CST2: variants seen among roughly 807,000 people sequenced by gnomAD.
CST2 encodes cystatin SA.
Under a neutral mutation model 13.4 loss-of-function variants are expected in CST2, and 26 were observed. That is an observed-to-expected ratio of 1.95 (90% CI 1.43 to 2.70). CST2 has a LOEUF of 2.70. CST2 is among the 30% of genes most tolerant of loss of function. CST2 has a pLI of 0.00. For missense variants in CST2, 243 were observed against 173.4 expected, an observed-to-expected ratio of 1.40 and a Z score of -2.25; for synonymous variants, 105 against 71.1, an observed-to-expected ratio of 1.48 and a Z score of -2.40.
intron 1 of CST2, 83 bp downstream of exon 1, chr20:23,826,350 G>A: frequency 9.3e-7 from 1 of 1,071,968 alleles, no homozygotes; most frequent in Admixed American, 1.9e-5. Context: ...ATGTATCAGT[G>A]TTGATGTGCT....
chr20:23,825,197 A>C lies in CST2; in HGVS notation c.342+13T>G. 1 of 1,614,064 alleles carries C rather than the reference A, an allele frequency of 6.2e-7. No homozygotes were observed. Among genetic ancestry groups the C allele is most frequent in the Non-Finnish European group, 8.5e-7 (1 of 1,179,978 alleles). The stretch of plus-strand genomic sequence containing the variant: ...AGTGCATGACTGGCCTGGGACCCGC[A>C]TCAGGAACGTACCTTCTGCAGTTCT... On this transcript the variant is annotated intron_variant, in intron 2 of 2. Coordinates refer to ENST00000304725, the MANE Select transcript of CST2 (RefSeq NM_001322.3).
In CST2 at chr20:23,826,288, C is replaced by G. The variant is rs1408327575; in HGVS notation, c.228+145G>C. The G allele has an allele frequency of 5.7e-6, 4 of 707,374 alleles. No individual in the cohort carries two copies. The African/African-American group carries it at 7.1e-5, about 13-fold the overall frequency. 43.8% of individuals were successfully genotyped at this position (707,374 alleles called of 1,614,324 possible). On this transcript the variant is annotated intron_variant, in intron 1 of 2. Transcript: ENST00000304725. ...CCGGGAGCATGCTTAGGCATGAAGG[C>G]CATAAGCAGAGAGTCAGGGAAAGCT...
rs781263131 is a variant in CST2, at chr20:23,824,046, C to T, written c.400G>A (p.Val134Met). ...EVPWEDRMSL[V>M]NSRCQEA ...TAGGCTTCTTGACACCTGGAATTCACCAGGGACATTCTGTCCTCCCAGGGA... is the reference window on the plus strand; with the variant it reads ...TAGGCTTCTTGACACCTGGAATTCATCAGGGACATTCTGTCCTCCCAGGGA... The change falls in exon 3 of 3, where the codon GTG becomes ATG. Residue 134 changes from valine to methionine, a missense_variant. Coordinates refer to ENST00000304725, the MANE Select transcript of CST2 (RefSeq NM_001322.3). 2.5e-6 allele frequency: 4 copies of T among 1,614,066 alleles called. No individual in the cohort carries two copies. Among genetic ancestry groups the T allele is most frequent in the Non-Finnish European group, 3.4e-6 (4 of 1,179,944 alleles).
At chr20:23,824,672 G>C (rs1412521214) in intron 2 of CST2, among the ~76,000 whole-genome samples, 1 of 151,926 alleles carries the variant, frequency 6.6e-6, no homozygotes, top group African/African-American at 2.4e-5. Flanking sequence ...TCTGATCATT[G>C]TGTCTGTGGC....
intron 1 of CST2, 70 bp downstream of exon 1, chr20:23,826,363 G>C: frequency 8.1e-7 from 1 of 1,233,126 alleles, no homozygotes; most frequent in Non-Finnish European, 1.2e-6. Flanking sequence ...GATGTGCTGC[G>C]AATGCTCTTA....
At chr20:23,824,167 C>T (rs1600436244) in intron 2 of CST2, 64 bp from the exon 3 acceptor site, 1 of 1,536,948 alleles carries the variant, frequency 6.5e-7, no homozygotes, top group East Asian at 2.3e-5. Flanking sequence ...GTCACCCAGG[C>T]ATGAGATGTC....
At chr20:23,825,430 A>T (rs187632925) in intron 1 of CST2, 107 bp from the exon 2 acceptor site, 2 of 1,165,250 alleles carry the variant, frequency 1.7e-6, no homozygotes, top group Non-Finnish European at 2.5e-6. Flanking sequence ...GGGCTTCGTG[A>T]GCTGCCCACA....
chr20:23,825,836 A>G (rs1984816703), intron 1 of CST2, among the ~76,000 whole-genome samples: 1 of 152,210 alleles, frequency 6.6e-6, no homozygotes, highest in Non-Finnish European at 1.5e-5. Context: ...GAGGAGCTCT[A>G]AAGCCTGTGT....
chr20:23,824,544 T>A (rs1346751254), intron 2 of CST2, among the ~76,000 whole-genome samples: 2 of 151,796 alleles, frequency 1.3e-5, no homozygotes, highest in African/African-American at 4.8e-5. Context: ...ACAAGGGGAG[T>A]GTGGCTCTCC....
intron 2 of CST2, among the ~76,000 whole-genome samples, chr20:23,824,464 G>T (rs1984763146): frequency 6.6e-6 from 1 of 152,116 alleles, no homozygotes; most frequent in African/African-American, 2.4e-5. Flanking sequence ...CCAGCACTAA[G>T]AGGGGCCAGA....
In CST2 at chr20:23,826,607, G is replaced by A. The variant is rs774323751; in HGVS notation, c.54C>T (p.Ala18=). ...CCTCCTCCTGGGGGCTCCAGGCCAG[G>A]GCCACAGCCTGGGTGGCCAGCAGGA... The part of the protein sequence containing the change: ...LLLLLATQAV[A]LAWSPQEEDR... Residue 18 remains alanine, a synonymous_variant, in exon 1 of 3, where the codon GCC becomes GCT. Coordinates refer to ENST00000304725, the MANE Select transcript of CST2 (RefSeq NM_001322.3). 3 of 1,613,138 alleles carry A rather than the reference G, an allele frequency of 1.9e-6. No homozygotes were observed. Among genetic ancestry groups the A allele is most frequent in the Non-Finnish European group, 2.5e-6 (3 of 1,179,858 alleles).
Position 23,825,297 on chromosome 20 carries a change from G to A in CST2, c.255C>T (p.Phe85=), listed in dbSNP as rs201981599. Reference sequence around the variant, plus strand: ...ATATGGTTCGGCCCACCTCTATGTCGAAGAAGTAATTCACCCCGCCCACGA... The same window carrying A: ...ATATGGTTCGGCCCACCTCTATGTCAAAGAAGTAATTCACCCCGCCCACGA... ...EQIVGGVNYF[F]DIEVGRTICT... The change falls in exon 2 of 3, where the codon TTC becomes TTT. Residue 85 remains phenylalanine (F), a synonymous_variant. Coordinates refer to ENST00000304725, the MANE Select transcript of CST2 (RefSeq NM_001322.3). The A allele has an allele frequency of 2.7e-5, 40 of 1,480,242 alleles. No individual in the cohort carries two copies. Among genetic ancestry groups the A allele is most frequent in the South Asian group, 2.4e-4 (17 of 72,176 alleles). 91.7% of individuals were successfully genotyped at this position (1,480,242 alleles called of 1,614,324 possible). A position where few individuals can be genotyped will look rare whatever the true frequency, so the allele number is the denominator to read the frequency against.
At chr20:23,825,091 T>G in intron 2 of CST2, 119 bp downstream of exon 2, 1 of 1,393,262 alleles carries the variant, frequency 7.2e-7, no homozygotes, top group Non-Finnish European at 1.0e-6. Context: ...CATGCATACA[T>G]GACTCCCCAC....
At position 23,826,619 on chromosome 20, in the gene CST2, G is replaced by C. The variant is rs140975534; in HGVS notation, c.42C>G (p.Thr14=). ...PLCTLLLLLA[T]QAVALAWSPQ... ...GGCTCCAGGCCAGGGCCACAGCCTG[G>C]GTGGCCAGCAGGAGCAGCAGGGTGC... The change falls in exon 1 of 3, where the codon ACC becomes ACG. Residue 14 remains threonine, a synonymous_variant. Coordinates refer to ENST00000304725, the MANE Select transcript of CST2 (RefSeq NM_001322.3). The C allele has an allele frequency of 1.2e-6, 2 of 1,612,544 alleles. No homozygotes were observed. The highest frequency in any genetic ancestry group is 2.7e-5 in the African/African-American group (2 of 75,012).
At chr20:23,826,281 A>G (rs534080770) in intron 1 of CST2, 152 bp downstream of exon 1, 2 of 684,304 alleles carry the variant, frequency 2.9e-6, no homozygotes, top group Non-Finnish European at 5.0e-6. Flanking sequence ...ATGCTTAGGC[A>G]TGAAGGCCAT....
chr20:23,823,874 A>G lies in CST2; in HGVS notation c.*146T>C. Reference sequence around the variant, plus strand: ...AGGGCAGAGTCCCCTGCTGAGCAACAAAGGCCTCCTGCAGCCTTCTCTGTC... The same window carrying G: ...AGGGCAGAGTCCCCTGCTGAGCAACGAAGGCCTCCTGCAGCCTTCTCTGTC... On this transcript the variant is annotated 3_prime_UTR_variant, in exon 3 of 3. Coordinates refer to ENST00000304725, the MANE Select transcript of CST2 (RefSeq NM_001322.3). 1 of 804,630 alleles carries G rather than the reference A, an allele frequency of 1.2e-6. No individual in the cohort carries two copies. Among genetic ancestry groups the G allele is most frequent in the Non-Finnish European group, 2.0e-6 (1 of 497,546 alleles). 49.8% of individuals were successfully genotyped at this position (804,630 alleles called of 1,614,324 possible).
rs1984853105 is a variant in CST2, at chr20:23,826,633, G to C, written c.28C>G (p.Leu10Val). MAWPLCTLL[L>V]LLATQAVALA... ...GCCACAGCCTGGGTGGCCAGCAGGAGCAGCAGGGTGCACAGGGGCCAGGCC... is the reference window on the plus strand; with the variant it reads ...GCCACAGCCTGGGTGGCCAGCAGGACCAGCAGGGTGCACAGGGGCCAGGCC... Residue 10 changes from leucine to valine, a missense_variant, in exon 1 of 3, where the codon CTC (leucine) becomes GTC (valine). Coordinates refer to ENST00000304725, the MANE Select transcript of CST2 (RefSeq NM_001322.3). 6.2e-7 allele frequency: 1 copy of C among 1,609,590 alleles called. No homozygotes were observed. The highest frequency in any genetic ancestry group is 8.5e-7 in the Non-Finnish European group (1 of 1,178,444).
At position 23,826,555 on chromosome 20, in the gene CST2, C is replaced by G; in HGVS notation, c.106G>C (p.Asp36His). Residue 36 changes from aspartate (D) to histidine (H), a missense_variant, in exon 1 of 3, where the codon GAT (aspartate) becomes CAT (histidine). Asp to His is a moderately conservative substitution (Grantham distance 81). Coordinates refer to ENST00000304725, the MANE Select transcript of CST2 (RefSeq NM_001322.3). ...EDRIIEGGIYDADLNDERVQR... is the reference protein window; with the variant it reads ...EDRIIEGGIYHADLNDERVQR... The stretch of plus-strand genomic sequence containing the variant: ...ACCCGCTCATCATTGAGGTCTGCAT[C>G]ATAGATGCCACCCTCGATTATCCTG... 6.2e-7 allele frequency: 1 copy of G among 1,614,150 alleles called. No individual in the cohort carries two copies. The highest frequency in any genetic ancestry group is 1.1e-5 in the South Asian group (1 of 91,086).
At position 23,826,510 on chromosome 20, in the gene CST2, C is replaced by A; in HGVS notation, c.151G>T (p.Val51Phe). ...DERVQRALHF[V>F]ISEYNKATED... ...GTGGCCTTGTTATACTCGCTGATGA[C>A]AAAGTGAAGGGCACGCTGTACCCGC... The change falls in exon 1 of 3, where the codon GTC becomes TTC. Residue 51 changes from valine to phenylalanine, a missense_variant. Physicochemically the swap from Val to Phe is conservative, Grantham distance 50 (BLOSUM62 -1). Transcript: ENST00000304725. 6.2e-7 allele frequency: 1 copy of A among 1,614,158 alleles called. No individual in the cohort carries two copies. Among genetic ancestry groups the A allele is most frequent in the Admixed American group, 1.7e-5 (1 of 60,030 alleles).
Sources: allele counts gnomAD v4.1 joint callset (sites outside exome capture counted in the v4.1 genomes callset), GRCh38; gene constraint gnomAD v4.1.1; transcripts MANE v1.5; gene names NCBI Gene and HGNC (gene_info 2026-07-23, HGNC 2026-07-21).